The following CSMD2 variants were observed in gnomAD, a reference collection of about 807,000 sequenced individuals.
CSMD2 encodes CUB and sushi domain-containing protein 2.
Under a neutral mutation model 398.5 loss-of-function variants are expected in CSMD2, and 130 were observed. That is an observed-to-expected ratio of 0.33 (90% CI 0.28 to 0.38). The LOEUF is 0.38. Among genes scored for constraint, CSMD2 ranks in the 10% least tolerant of loss-of-function variants. The probability of loss-of-function intolerance (pLI) is 1.00; values close to 1 mark genes in which losing one functional copy is unlikely to be tolerated. For synonymous variants in CSMD2, 1,828 were observed against 1,908.5 expected (o/e 0.96, Z 1.10); for missense variants, 3,829 against 4,764.9 (o/e 0.80, Z 5.78).
intron 3 of CSMD2, among the ~76,000 whole-genome samples, chr1:33,971,086 T>C (rs914227410): frequency 6.6e-6 from 1 of 152,212 alleles, no homozygotes; most frequent in South Asian, 2.1e-4. Flanking sequence ...ATCATTATCA[T>C]TATGGCAGCC....
Position 34,131,027 on chromosome 1 carries a change from G to A in CSMD2, c.187+33884C>T, listed in dbSNP as rs76367802. Among the ~76,000 whole-genome samples the A allele has an allele frequency of 3.4e-4, 52 of 152,182 alleles. 1 individual carries two copies. In the East Asian group the frequency reaches 7.7e-3, roughly 23 times the overall value. ...TTCAATAAATGCTTGCATTCAATGT[G>A]GTACCTGTTCCTTTCTGCCTAGCAT... is the stretch of plus-strand genomic sequence containing the variant. On this transcript the variant is annotated intron_variant, in intron 1 of 70. Coordinates refer to ENST00000373381, the MANE Select transcript of CSMD2 (RefSeq NM_001281956.2).
chr1:33,738,860 T>C (rs1569619331), intron 15 of CSMD2, among the ~76,000 whole-genome samples: 2 of 152,222 alleles, frequency 1.3e-5, no homozygotes, highest in Non-Finnish European at 2.9e-5. Context: ...ATGGCTGTGA[T>C]ACCGAAGAGA....
chr1:33,992,147 C>T (rs982693940), intron 3 of CSMD2, among the ~76,000 whole-genome samples: 6 of 152,186 alleles, frequency 3.9e-5, no homozygotes, highest in African/African-American at 7.2e-5. Context: ...TTGGAGAAGA[C>T]AGTCTCACAA....
At chr1:33,816,518 T>C (rs1404836044) in intron 9 of CSMD2, among the ~76,000 whole-genome samples, 1 of 152,174 alleles carries the variant, frequency 6.6e-6, no homozygotes, top group Non-Finnish European at 1.5e-5. Flanking sequence ...ATCTGTTTTA[T>C]TTATTAGGGT....
intron 29 of CSMD2, among the ~76,000 whole-genome samples, chr1:33,642,064 A>G (rs536902866): frequency 6.6e-6 from 1 of 152,274 alleles, no homozygotes; most frequent in African/African-American, 2.4e-5. Flanking sequence ...CAAAGCCAAG[A>G]GTGATCTGGG....
chr1:33,971,712 G>C (rs77632366), intron 3 of CSMD2, among the ~76,000 whole-genome samples: 1 of 152,334 alleles, frequency 6.6e-6, no homozygotes, highest in African/African-American at 2.4e-5. Context: ...CCTTCGGCAG[G>C]TTGGGCGGGT....
chr1:33,977,478 T>G (rs1463129975), intron 3 of CSMD2, among the ~76,000 whole-genome samples: 1 of 152,080 alleles, frequency 6.6e-6, no homozygotes, highest in Admixed American at 6.5e-5. Context: ...CATCCTTCCA[T>G]CAGGGCACTC....
chr1:33,638,846 T>C (rs1039645300), intron 29 of CSMD2, among the ~76,000 whole-genome samples: 3 of 152,220 alleles, frequency 2.0e-5, no homozygotes, highest in African/African-American at 7.2e-5. Context: ...CTCTGCTATA[T>C]TTCTCTCCAC....
chr1:33,620,981 G>A (rs1011490287), intron 37 of CSMD2, among the ~76,000 whole-genome samples: 5 of 152,122 alleles, frequency 3.3e-5, no homozygotes, highest in African/African-American at 1.2e-4. Flanking sequence ...CTAGCACCCA[G>A]TGGGCCTTCT....
chr1:33,705,959 G>T (rs1645764302), intron 22 of CSMD2, among the ~76,000 whole-genome samples: 1 of 147,944 alleles, frequency 6.8e-6, no homozygotes. Flanking sequence ...CAGTTGGTTT[G>T]GTTGACAATT....
Position 33,600,917 on chromosome 1 carries a change from G to A in CSMD2, c.6804C>T (p.Leu2268=), listed in dbSNP as rs753747931. The change falls in exon 44 of 71, where the codon CTC becomes CTT. Residue 2268 remains leucine, a synonymous_variant. Transcript: ENST00000373381. ...TVQSSSNQVL[L]KFHRDAATGG... is the part of the protein sequence containing the mutation. ...CTGTGGCTGCATCACGGTGGAACTT[G>A]AGCAGGACCTGGTTGGATGAACTCT... 5 of 1,614,168 alleles carry A rather than the reference G, an allele frequency of 3.1e-6. No homozygotes were observed. The highest frequency in any genetic ancestry group is 4.2e-6 in the Non-Finnish European group (5 of 1,180,034).
chr1:33,736,228 A>T (rs551481465), intron 15 of CSMD2, among the ~76,000 whole-genome samples: 2 of 152,324 alleles, frequency 1.3e-5, no homozygotes, highest in East Asian at 3.9e-4. Context: ...TGCTTATGAA[A>T]TAGTGAGCCG....
chr1:33,913,457 G>A (rs1643566778), intron 5 of CSMD2, among the ~76,000 whole-genome samples: 2 of 152,248 alleles, frequency 1.3e-5, no homozygotes, highest in South Asian at 4.2e-4. Context: ...GAATTGCTGG[G>A]GTTGCTCCAT....
chr1:33,714,370 G>A (rs1646091364), intron 21 of CSMD2, among the ~76,000 whole-genome samples: 1 of 152,226 alleles, frequency 6.6e-6, no homozygotes, highest in South Asian at 2.1e-4. Context: ...ATACAGAACT[G>A]CCTGATGAAG....
intron 25 of CSMD2, among the ~76,000 whole-genome samples, chr1:33,685,891 C>G (rs570613101): frequency 1.3e-5 from 2 of 152,166 alleles, no homozygotes; most frequent in African/African-American, 4.8e-5. Context: ...TTTGTGTTTC[C>G]GACTGCACAG....
In CSMD2 at chr1:34,164,779, A is replaced by T; in HGVS notation, c.187+132T>A. On this transcript the variant is annotated intron_variant, in intron 1 of 70. Transcript: ENST00000373381. The surrounding 1 kb of genome is among the most constrained non-coding windows in gnomAD (Gnocchi z 6.2). ...GGCAGGGATGAGAATGAGAGTAGGC[A>T]ACTGGGAGGGTGGGAGATTCAGGCA... 1 of 795,724 alleles carries T rather than the reference A, an allele frequency of 1.3e-6. No individual in the cohort carries two copies. Among genetic ancestry groups the T allele is most frequent in the Admixed American group, 4.6e-5 (1 of 21,530 alleles). 49.3% of individuals were successfully genotyped at this position (795,724 alleles called of 1,614,324 possible). A position where few individuals can be genotyped will look rare whatever the true frequency, so the allele number is the denominator to read the frequency against.
chr1:33,852,394 A>G (rs1363430701), intron 5 of CSMD2, among the ~76,000 whole-genome samples: 1 of 152,238 alleles, frequency 6.6e-6, no homozygotes, highest in African/African-American at 2.4e-5. Context: ...CTCTTCAATG[A>G]CACACACTTT....
intron 47 of CSMD2, among the ~76,000 whole-genome samples, chr1:33,581,666 C>T (rs1055722669): frequency 4.0e-5 from 6 of 151,600 alleles, no homozygotes; most frequent in African/African-American, 1.5e-4. Context: ...AGTAACAGAG[C>T]TCCCTAATAC....
chr1:33,653,362 A>G (rs1279349090), intron 27 of CSMD2, among the ~76,000 whole-genome samples: 6 of 152,148 alleles, frequency 3.9e-5, no homozygotes, highest in East Asian at 1.9e-4. Context: ...CGTGCACTCA[A>G]TGTCAGGAGG....
Sources: allele counts gnomAD v4.1 joint callset (sites outside exome capture counted in the v4.1 genomes callset), GRCh38; gene constraint gnomAD v4.1.1; non-coding constraint Gnocchi (gnomAD v3.1); transcripts MANE v1.5; gene names NCBI Gene and HGNC (gene_info 2026-07-23, HGNC 2026-07-21).